CELSR1: variants seen among roughly 807,000 people sequenced by gnomAD.
CELSR1 encodes the protein cadherin EGF LAG seven-pass G-type receptor 1.
A neutral mutation model predicts 249.1 loss-of-function variants in CELSR1; 110 were observed. The observed-to-expected ratio is 0.44, with a 90% CI of 0.38 to 0.52. The LOEUF (loss-of-function observed/expected upper bound fraction) is 0.52. Among genes scored for constraint, CELSR1 ranks in the 20% least tolerant of loss-of-function variants. The pLI, the probability that CELSR1 is intolerant of heterozygous loss-of-function variation, is 0.00. For synonymous variants in CELSR1, 2,113 were observed against 1,900.0 expected (o/e 1.11, Z -2.92); for missense variants, 4,109 against 4,296.4 (o/e 0.96, Z 1.22).
In CELSR1 at chr22:46,512,595, C is replaced by G. The variant is rs2080585022; in HGVS notation, c.3544+21032G>C. ...TCAACAACAACAAAAAATCAAGGCCCAATACTATGCATTGCCTTGACATCT... is the reference window on the plus strand; with the variant it reads ...TCAACAACAACAAAAAATCAAGGCCGAATACTATGCATTGCCTTGACATCT... On this transcript the variant is annotated intron_variant, in intron 1 of 34. Transcript: ENST00000674500. The surrounding 1 kb of genome is among the most constrained non-coding windows in gnomAD (Gnocchi z 5.2). Among the ~76,000 whole-genome samples the G allele has an allele frequency of 6.6e-6, 1 of 152,052 alleles. No homozygotes were observed. Among genetic ancestry groups the G allele is most frequent in the Non-Finnish European group, 1.5e-5 (1 of 68,010 alleles).
At position 46,534,208 on chromosome 22, in the gene CELSR1, G is replaced by C; in HGVS notation, c.2963C>G (p.Thr988Ser). 3 of 1,613,816 alleles carry C rather than the reference G, an allele frequency of 1.9e-6. No homozygotes were observed. Among genetic ancestry groups the C allele is most frequent in the East Asian group, 2.2e-5 (1 of 44,884 alleles). The change falls in exon 1 of 35, where the codon ACC (threonine) becomes AGC (serine). Residue 988 changes from threonine (T) to serine (S), a missense_variant. By Grantham distance (58) the Thr-to-Ser change is moderately conservative (BLOSUM62 1). Transcript: ENST00000674500. The surrounding 1 kb of genome is among the most constrained non-coding windows in gnomAD (Gnocchi z 9.7). ...GGCATTGTCATTAATGTCCAAGATGGTCACCTGGATTTCTACCGAGGCGCT... is the reference window on the plus strand; with the variant it reads ...GGCATTGTCATTAATGTCCAAGATGCTCACCTGGATTTCTACCGAGGCGCT... ...PLSASVEIQV[T>S]ILDINDNAPM...
intron 9 of CELSR1, among the ~76,000 whole-genome samples, chr22:46,403,698 C>T (rs965606041): frequency 5.9e-5 from 9 of 152,120 alleles, no homozygotes; most frequent in Non-Finnish European, 1.2e-4. Context: ...AGAGGCCAGG[C>T]ACGGTGGCTC....
In CELSR1 at chr22:46,433,328, C is replaced by G. The variant is rs2079617774; in HGVS notation, c.4611+65G>C. Reference sequence around the variant, plus strand: ...GGGATTACAGGCGTGAGCCACTGCGCCTCGCCCCAGGGCACCTTCTCGAGC... The same window carrying G: ...GGGATTACAGGCGTGAGCCACTGCGGCTCGCCCCAGGGCACCTTCTCGAGC... On this transcript the variant is annotated intron_variant, in intron 5 of 34. Transcript: ENST00000674500. The surrounding 1 kb of genome is among the most constrained non-coding windows in gnomAD (Gnocchi z 5.7). 1 of 1,300,614 alleles carries G rather than the reference C, an allele frequency of 7.7e-7. No homozygotes were observed. Among genetic ancestry groups the G allele is most frequent in the African/African-American group, 1.5e-5 (1 of 68,154 alleles). The allele number at this position is 1,300,614 out of a possible 1,614,324, so 80.6% of individuals were successfully genotyped here.
intron 20 of CELSR1, among the ~76,000 whole-genome samples, chr22:46,383,543 A>G (rs1287220684): frequency 1.3e-5 from 2 of 152,194 alleles, no homozygotes; most frequent in Non-Finnish European, 2.9e-5. Context: ...TTTCCCCCCA[A>G]CCAGACAGGT....
chr22:46,466,117 G>A (rs142539024), intron 1 of CELSR1, among the ~76,000 whole-genome samples: 58 of 152,346 alleles, frequency 3.8e-4, no homozygotes, highest in African/African-American at 1.1e-3. Flanking sequence ...CCCAGAGGGC[G>A]TCCGCAGAGC....
intron 5 of CELSR1, among the ~76,000 whole-genome samples, chr22:46,424,609 T>G (rs575225912): frequency 8.5e-5 from 13 of 152,236 alleles, no homozygotes; most frequent in African/African-American, 3.1e-4. Flanking sequence ...CCACACCCAC[T>G]TCCCTCCTGT....
rs1480797027 is a variant in CELSR1 at position 46,447,980 on chromosome 22, A to G, written c.4184-8569T>C. On this transcript the variant is annotated intron_variant, in intron 2 of 34. Coordinates refer to ENST00000674500, the MANE Select transcript of CELSR1 (RefSeq NM_001378328.1). This position sits in a 1 kb window ranked among gnomAD's most constrained non-coding sequence, Gnocchi z 4.7. ...AGGAGCCAAGGCCCATCCAGCCCTC[A>G]TGGCCTCATGCACCTGCCCCGCCAC... 2.0e-5 allele frequency among the ~76,000 whole-genome samples: 3 copies of G among 152,212 alleles called. No homozygotes were observed. Among genetic ancestry groups the G allele is most frequent in the Admixed American group, 1.3e-4 (2 of 15,288 alleles).
rs1273945095 is a variant in CELSR1, at chr22:46,446,587, T to G, written c.4184-7176A>C. On this transcript the variant is annotated intron_variant, in intron 2 of 34. Transcript: ENST00000674500. This position sits in a 1 kb window ranked among gnomAD's most constrained non-coding sequence, Gnocchi z 5.5. The stretch of plus-strand genomic sequence containing the variant: ...GTGTGCAGGGCATATGCTGAGCACC[T>G]GGCAGGGAGGGTCGCAGGGGGTCGG... Among the ~76,000 whole-genome samples, 1 of 151,086 alleles carries G rather than the reference T, an allele frequency of 6.6e-6. No homozygotes were observed. Among genetic ancestry groups the G allele is most frequent in the Non-Finnish European group, 1.5e-5 (1 of 67,862 alleles).
intron 1 of CELSR1, among the ~76,000 whole-genome samples, chr22:46,530,888 G>C (rs375448717): frequency 6.3e-4 from 96 of 152,290 alleles, no homozygotes; most frequent in African/African-American, 2.2e-3. Flanking sequence ...TCGATGGCTG[G>C]CCTGTTGCAT....
At chr22:46,508,204 C>A (rs1001632416) in intron 1 of CELSR1, among the ~76,000 whole-genome samples, 1 of 152,028 alleles carries the variant, frequency 6.6e-6, no homozygotes, top group African/African-American at 2.4e-5. Flanking sequence ...GCCACTCTCG[C>A]CCTGCCCTGG....
intron 28 of CELSR1, 126 bp from the exon 29 acceptor site, chr22:46,367,244 C>G: frequency 3.1e-6 from 4 of 1,300,878 alleles, no homozygotes; most frequent in Non-Finnish European, 4.1e-6. Context: ...CGGCCCAGGA[C>G]ACGGCCAGGC....
intron 5 of CELSR1, among the ~76,000 whole-genome samples, chr22:46,420,507 C>T (rs1057122473): frequency 1.1e-4 from 17 of 152,230 alleles, no homozygotes; most frequent in African/African-American, 4.1e-4. Flanking sequence ...CACGTGGACA[C>T]ACCCACTCAC....
chr22:46,415,476 T>C (rs2079389018), intron 5 of CELSR1, among the ~76,000 whole-genome samples: 1 of 152,216 alleles, frequency 6.6e-6, no homozygotes, highest in South Asian at 2.1e-4. Flanking sequence ...TATTTTATTA[T>C]TTTTTAAAAA....
rs1197696938 is a variant in CELSR1, at chr22:46,527,812, C to A, written c.3544+5815G>T. ...TGAAGCAATTTAAGATGGTCCGACC[C>A]AGGCTGGGAGCGGTGGCTCACGCCT... On this transcript the variant is annotated intron_variant, in intron 1 of 34. Transcript: ENST00000674500. The surrounding 1 kb of genome is among the most constrained non-coding windows in gnomAD (Gnocchi z 5.5). Among the ~76,000 whole-genome samples, 1 of 152,198 alleles carries A rather than the reference C, an allele frequency of 6.6e-6. No homozygotes were observed. The highest frequency in any genetic ancestry group is 1.5e-5 in the Non-Finnish European group (1 of 68,040).
At chr22:46,372,309 C>T (rs2078862031) in intron 25 of CELSR1, among the ~76,000 whole-genome samples, 1 of 148,978 alleles carries the variant, frequency 6.7e-6, no homozygotes, top group Non-Finnish European at 1.5e-5. Flanking sequence ...GCTCCCCACC[C>T]ATCCATCCAT....
At chr22:46,486,369 G>A (rs2080313123) in intron 1 of CELSR1, among the ~76,000 whole-genome samples, 1 of 151,560 alleles carries the variant, frequency 6.6e-6, no homozygotes, top group South Asian at 2.1e-4. Flanking sequence ...CCAACATGGT[G>A]AAACCCCATC....
chr22:46,424,962 C>G lies in CELSR1; in HGVS notation c.4611+8431G>C, dbSNP rs1295937198. Among the ~76,000 whole-genome samples, 4 of 152,114 alleles carry G rather than the reference C, an allele frequency of 2.6e-5. No individual in the cohort carries two copies. In the Admixed American group the frequency reaches 2.6e-4, roughly 10 times the overall value. On this transcript the variant is annotated intron_variant, in intron 5 of 34. Coordinates refer to ENST00000674500, the MANE Select transcript of CELSR1 (RefSeq NM_001378328.1). ...CTCCAGCCTGGGATACAAGGCAAAA[C>G]TCTGTCTGAAAAGCAAACAAACAAA...
chr22:46,511,193 GGTTTT>G (rs1177358496), intron 1 of CELSR1, among the ~76,000 whole-genome samples: 1 of 152,092 alleles, frequency 6.6e-6, no homozygotes, highest in Non-Finnish European at 1.5e-5. Context: ...CAGTTTTTCT[GGTTTT>G]GTTTTTACAT....
chr22:46,486,303 C>G (rs1351201889), intron 1 of CELSR1, among the ~76,000 whole-genome samples: 1 of 151,432 alleles, frequency 6.6e-6, no homozygotes, highest in Non-Finnish European at 1.5e-5. Flanking sequence ...AATCCCAGCA[C>G]TTTGGGAGGC....
Sources: allele counts gnomAD v4.1 joint callset (sites outside exome capture counted in the v4.1 genomes callset), GRCh38; gene constraint gnomAD v4.1.1; non-coding constraint Gnocchi (gnomAD v3.1); transcripts MANE v1.5; gene names NCBI Gene and HGNC (gene_info 2026-07-23, HGNC 2026-07-21).